PAG1: variants seen among roughly 807,000 people sequenced by gnomAD.
PAG1 encodes phosphoprotein membrane anchor with glycosphingolipid microdomains 1.
PAG1 carries 23 observed loss-of-function variants against 31.7 expected under a neutral mutation model. The observed-to-expected ratio is 0.73, with a 90% CI of 0.52 to 1.03. The LOEUF is 1.03. Among genes scored for constraint, PAG1 ranks in the 50% least tolerant of loss-of-function variants. The pLI, the probability that PAG1 is intolerant of heterozygous loss-of-function variation, is 0.00. For missense variants in PAG1, 473 were observed against 540.7 expected (o/e 0.87, Z 1.24); for synonymous variants, 214 against 210.3 (o/e 1.02, Z -0.15).
intron 3 of PAG1, among the ~76,000 whole-genome samples, chr8:81,021,170 C>A (rs897055099): frequency 2.7e-4 from 41 of 152,186 alleles, no homozygotes; most frequent in African/African-American, 9.4e-4. Context: ...CCAGCCTTTG[C>A]TATAGATGAC....
chr8:81,092,085 G>A (rs1011088927), intron 1 of PAG1, among the ~76,000 whole-genome samples: 1 of 149,848 alleles, frequency 6.7e-6, no homozygotes, highest in Non-Finnish European at 1.5e-5. Context: ...GGGTGCAATG[G>A]CTCACACCTG....
At chr8:80,998,125 G>A (rs1028227259) in intron 3 of PAG1, among the ~76,000 whole-genome samples, 1 of 128,490 alleles carries the variant, frequency 7.8e-6, no homozygotes, top group African/African-American at 3.0e-5. Context: ...AACAGCAGGT[G>A]TCCTTTTTTT....
At chr8:81,010,354 CT>C (rs891198388) in intron 3 of PAG1, among the ~76,000 whole-genome samples, 1 of 152,006 alleles carries the variant, frequency 6.6e-6, no homozygotes, top group Non-Finnish European at 1.5e-5. Context: ...TTGAGCCACA[CT>C]TTTTTTTGCT....
At chr8:81,046,073 G>T (rs1808637359) in intron 2 of PAG1, among the ~76,000 whole-genome samples, 1 of 152,090 alleles carries the variant, frequency 6.6e-6, no homozygotes. Context: ...TTAGAGCCGG[G>T]AAGGAACTAA....
intron 7 of PAG1, among the ~76,000 whole-genome samples, chr8:80,981,779 A>C (rs1281630836): frequency 6.6e-6 from 1 of 151,948 alleles, no homozygotes; most frequent in African/African-American, 2.4e-5. Context: ...AGCCACATGC[A>C]AACATGCTGT....
At chr8:81,077,037 C>T (rs988200139) in intron 1 of PAG1, among the ~76,000 whole-genome samples, 1 of 152,206 alleles carries the variant, frequency 6.6e-6, no homozygotes, top group African/African-American at 2.4e-5. Context: ...ACTGCACGTT[C>T]ATAGAATCGT....
intron 1 of PAG1, among the ~76,000 whole-genome samples, chr8:81,099,554 T>C (rs1045275716): frequency 6.6e-6 from 1 of 152,216 alleles, no homozygotes. Flanking sequence ...AATAAGGTGA[T>C]GCTGATCTTG....
intron 3 of PAG1, among the ~76,000 whole-genome samples, chr8:81,000,047 C>T (rs572084424): frequency 6.6e-5 from 10 of 152,228 alleles, no homozygotes; most frequent in East Asian, 5.8e-4. Context: ...ATAAGGAGCA[C>T]GGGTAGTGGG....
chr8:81,105,244 G>T (rs1809676116), intron 1 of PAG1, among the ~76,000 whole-genome samples: 1 of 152,122 alleles, frequency 6.6e-6, no homozygotes, highest in South Asian at 2.1e-4. Context: ...ATGAATCTGA[G>T]ATTCTTGAGG....
intron 7 of PAG1, among the ~76,000 whole-genome samples, chr8:80,982,567 C>T (rs1452713920): frequency 6.6e-6 from 1 of 152,182 alleles, no homozygotes; most frequent in Non-Finnish European, 1.5e-5. Flanking sequence ...GGATGACTCC[C>T]ACATCAGCAA....
Position 81,037,934 on chromosome 8 carries a change from T to C in PAG1, c.-174-7845A>G, listed in dbSNP as rs558742239. On this transcript the variant is annotated intron_variant, in intron 2 of 8. Coordinates refer to ENST00000220597, the MANE Select transcript of PAG1 (RefSeq NM_018440.4). ...TTAGCTGTCATTTATAGAGCTTTGA[T>C]TGTCTTGGCCTAATGCACATGCCCT... is the stretch of plus-strand genomic sequence containing the variant. 1.2e-4 allele frequency among the ~76,000 whole-genome samples: 18 copies of C among 152,368 alleles called. 1 individual carries two copies. The highest frequency in any genetic ancestry group is 5.9e-4 in the Admixed American group (9 of 15,312).
At chr8:81,002,538 T>A (rs918921098) in intron 3 of PAG1, among the ~76,000 whole-genome samples, 1 of 152,182 alleles carries the variant, frequency 6.6e-6, no homozygotes, top group Non-Finnish European at 1.5e-5. Context: ...ACAGAGGAGT[T>A]TGTAACACCA....
intron 3 of PAG1, among the ~76,000 whole-genome samples, chr8:80,995,357 G>A (rs1055299883): frequency 2.0e-5 from 3 of 152,170 alleles, no homozygotes; most frequent in Admixed American, 6.5e-5. Context: ...CACGACAGGC[G>A]TACAGTAATA....
At chr8:81,074,439 C>A (rs1340777476) in intron 1 of PAG1, among the ~76,000 whole-genome samples, 1 of 152,068 alleles carries the variant, frequency 6.6e-6, no homozygotes, top group Non-Finnish European at 1.5e-5. Context: ...GGGTGACAGA[C>A]AAGGAAAATT....
At chr8:81,102,739 TTAAAC>T in intron 1 of PAG1, among the ~76,000 whole-genome samples, 1 of 152,300 alleles carries the variant, frequency 6.6e-6, no homozygotes, top group Admixed American at 6.5e-5. Context: ...AGTTGTAACA[TTAAAC>T]TAAATCCCTT....
intron 8 of PAG1, among the ~76,000 whole-genome samples, chr8:80,977,662 C>T (rs574057495): frequency 3.3e-5 from 5 of 152,282 alleles, no homozygotes; most frequent in Admixed American, 6.5e-5. Context: ...AACTCATTCT[C>T]GCTTGCAACC....
chr8:81,083,373 T>C (rs1018903240), intron 1 of PAG1, among the ~76,000 whole-genome samples: 9 of 152,062 alleles, frequency 5.9e-5, no homozygotes, highest in Non-Finnish European at 1.0e-4. Flanking sequence ...TCTACTTACA[T>C]GGGGTTGAGG....
At chr8:81,022,304 T>C (rs1808204072) in intron 3 of PAG1, among the ~76,000 whole-genome samples, 1 of 152,250 alleles carries the variant, frequency 6.6e-6, no homozygotes, top group Non-Finnish European at 1.5e-5. Flanking sequence ...ATTTCATTTC[T>C]GTATATTTCT....
chr8:81,049,766 G>A (rs1442942773), intron 2 of PAG1, among the ~76,000 whole-genome samples: 1 of 152,158 alleles, frequency 6.6e-6, no homozygotes, highest in Non-Finnish European at 1.5e-5. Context: ...TAAAACGACA[G>A]GAAACATTGC....
Sources: allele counts gnomAD v4.1 joint callset (sites outside exome capture counted in the v4.1 genomes callset), GRCh38; gene constraint gnomAD v4.1.1; transcripts MANE v1.5; gene names NCBI Gene and HGNC (gene_info 2026-07-23, HGNC 2026-07-21).